Variants in SNW1 observed in about 807,000 individuals in gnomAD.
SNW1 encodes the protein SNW domain containing 1.
Under a neutral mutation model 75.6 loss-of-function variants are expected in SNW1, and 9 were observed. The ratio of observed to expected loss-of-function variants is 0.12; its 90% CI spans 0.07 to 0.21. The LOEUF is 0.21. Ranked by LOEUF, SNW1 falls within the 10% of genes least tolerant of loss-of-function variation. SNW1 has a pLI of 1.00. For missense variants in SNW1, 409 were observed against 670.9 expected, an observed-to-expected ratio of 0.61 and a Z score of 4.31; for synonymous variants, 200 against 219.1, an observed-to-expected ratio of 0.91 and a Z score of 0.77.
intron 11 of SNW1, among the ~76,000 whole-genome samples, chr14:77,722,107 C>T (rs981693832): frequency 6.6e-6 from 1 of 152,126 alleles, no homozygotes; most frequent in Non-Finnish European, 1.5e-5. Flanking sequence ...ATGATCAGAG[C>T]ACAGAAAACT....
At chr14:77,742,861 G>C (rs1294530117) in intron 3 of SNW1, among the ~76,000 whole-genome samples, 2 of 151,614 alleles carry the variant, frequency 1.3e-5, no homozygotes, top group African/African-American at 4.8e-5. Context: ...CAATGCACTT[G>C]GCCTGTATGT....
At chr14:77,736,911 A>G (rs888615962) in intron 6 of SNW1, 60 bp downstream of exon 6, 11 of 1,234,650 alleles carry the variant, frequency 8.9e-6, no homozygotes, top group Admixed American at 1.7e-5. Flanking sequence ...CACTCAGCAT[A>G]TTGTTTTGAG....
At chr14:77,720,988 C>A in intron 11 of SNW1, 160 bp from the exon 12 acceptor site, 1 of 598,192 alleles carries the variant, frequency 1.7e-6, no homozygotes, top group Non-Finnish European at 3.0e-6. Context: ...AGCTGGCAGC[C>A]CTTATAAAGC....
At chr14:77,751,849 A>ACACACACACACACACACACACAC (rs2080812161) in intron 2 of SNW1, among the ~76,000 whole-genome samples, 1 of 132,538 alleles carries the variant, frequency 7.5e-6, no homozygotes, top group East Asian at 2.5e-4. Context: ...CACACACCAC[A>ACACACACACACACACACACACAC]CACACACACA....
At chr14:77,746,314 G>A (rs539903838) in intron 3 of SNW1, among the ~76,000 whole-genome samples, 1 of 152,356 alleles carries the variant, frequency 6.6e-6, no homozygotes, top group East Asian at 1.9e-4. Context: ...CAAGACAAAT[G>A]TCAATGAGAT....
chr14:77,732,852 C>T (rs192319909), intron 8 of SNW1, among the ~76,000 whole-genome samples: 7 of 152,262 alleles, frequency 4.6e-5, no homozygotes, highest in East Asian at 1.9e-4. Context: ...TTAGTAGAGA[C>T]GGAGTTTCAC....
In SNW1 at chr14:77,736,261, C is replaced by T. The variant is rs376499171; in HGVS notation, c.639-255G>A. ...TACTTTTTTCCACTTTAAAAAGCAG[C>T]TTTAGGTCGGGTGCAGTGGCTCATG... On this transcript the variant is annotated intron_variant, in intron 6 of 13. Coordinates refer to ENST00000261531, the MANE Select transcript of SNW1 (RefSeq NM_012245.3). Among the ~76,000 whole-genome samples the T allele has an allele frequency of 6.6e-5, 10 of 152,162 alleles. No homozygotes were observed. In the South Asian group the frequency reaches 2.1e-3, roughly 32 times the overall value.
Position 77,718,264 on chromosome 14 carries a change from A to T in SNW1, c.1435T>A (p.Ser479Thr). 1.9e-6 allele frequency: 3 copies of T among 1,613,670 alleles called. No individual in the cohort carries two copies. The highest frequency in any genetic ancestry group is 1.7e-6 in the Non-Finnish European group (2 of 1,179,730). The part of the protein sequence containing the change: ...TNRFVPDKEF[S>T]GSDRRQRGRE... ...CCTCTCTGTCTACGGTCTGAACCAG[A>T]AAACTCCTTGTCGGGAACAAATCTA... The change falls in exon 14 of 14, where the codon TCT becomes ACT. Residue 479 changes from serine (S) to threonine (T), a missense_variant. Physicochemically the swap from Ser to Thr is moderately conservative, Grantham distance 58. Around this residue, in one of 9 missense-constraint regions of SNW1, gnomAD observed 126 missense variants for 167.6 expected, o/e 0.75. Coordinates refer to ENST00000261531, the MANE Select transcript of SNW1 (RefSeq NM_012245.3).
At chr14:77,727,056 G>GC (rs1566827655) in intron 10 of SNW1, among the ~76,000 whole-genome samples, 1 of 150,304 alleles carries the variant, frequency 6.7e-6, no homozygotes, top group Non-Finnish European at 1.5e-5. Context: ...TTGATGTCTT[G>GC]TTTTTTTTTG....
At chr14:77,749,790 G>T (rs1404178306) in intron 3 of SNW1, among the ~76,000 whole-genome samples, 5 of 152,192 alleles carry the variant, frequency 3.3e-5, no homozygotes, top group Non-Finnish European at 5.9e-5. Context: ...ACATTCAAAT[G>T]CTAACAGGAA....
At chr14:77,736,548 C>CAAAA (rs11441542) in intron 6 of SNW1, among the ~76,000 whole-genome samples, 8 of 141,420 alleles carry the variant, frequency 5.7e-5, no homozygotes, top group African/African-American at 2.1e-4. Context: ...GACTGTCTCT[C>CAAAA]AAAAAACAAA....
At chr14:77,727,251 A>C (rs567875338) in intron 10 of SNW1, among the ~76,000 whole-genome samples, 1 of 152,170 alleles carries the variant, frequency 6.6e-6, no homozygotes, top group South Asian at 2.1e-4. Context: ...ACGGGGTTTC[A>C]TCATGTTGGC....
At chr14:77,761,045 G>C (rs2080886940) in intron 1 of SNW1, 69 bp downstream of exon 1, 1 of 1,614,114 alleles carries the variant, frequency 6.2e-7, no homozygotes, top group South Asian at 1.1e-5. Flanking sequence ...CGGAGGGTAT[G>C]GGAAGAGAAA....
At chr14:77,732,179 A>G (rs192036656) in intron 9 of SNW1, among the ~76,000 whole-genome samples, 1 of 152,382 alleles carries the variant, frequency 6.6e-6, no homozygotes, top group Non-Finnish European at 1.5e-5. Context: ...CATCTAAAAT[A>G]GAGGAAAATT....
At chr14:77,756,006 T>G (rs1172680967) in intron 1 of SNW1, among the ~76,000 whole-genome samples, 1 of 152,204 alleles carries the variant, frequency 6.6e-6, no homozygotes, top group Non-Finnish European at 1.5e-5. Context: ...CCCAAAGTGC[T>G]AGGATTACAG....
intron 3 of SNW1, among the ~76,000 whole-genome samples, chr14:77,748,314 T>G (rs916723868): frequency 3.3e-5 from 5 of 152,136 alleles, no homozygotes; most frequent in Non-Finnish European, 7.4e-5. Flanking sequence ...CCAGAGACCC[T>G]TGTTCACTTG....
intron 1 of SNW1, among the ~76,000 whole-genome samples, chr14:77,757,332 G>T (rs979335083): frequency 2.6e-5 from 4 of 152,158 alleles, no homozygotes; most frequent in African/African-American, 9.7e-5. Context: ...TCCAGTCTGG[G>T]GAGGTAAGTG....
At chr14:77,725,276 A>G (rs1430880408) in intron 10 of SNW1, among the ~76,000 whole-genome samples, 2 of 152,140 alleles carry the variant, frequency 1.3e-5, no homozygotes, top group South Asian at 2.1e-4. Context: ...ATTTTCTTCC[A>G]TTCTGTAGGT....
At chr14:77,744,022 G>A (rs1443085117) in intron 3 of SNW1, among the ~76,000 whole-genome samples, 5 of 151,614 alleles carry the variant, frequency 3.3e-5, no homozygotes, top group Admixed American at 2.0e-4. Context: ...CAAAAGCAAC[G>A]ATCTGGCCGG....
Sources: gnomAD v4.1 joint callset for allele counts (sites outside exome capture counted in the v4.1 genomes callset) on GRCh38, gnomAD v4.1.1 for gene constraint, gnomAD v4.1.1 regional missense constraint, MANE v1.5 for transcripts, NCBI Gene and HGNC (gene_info 2026-07-23, HGNC 2026-07-21) for gene names.